RBPMS: variants seen among roughly 807,000 people sequenced by gnomAD.
The protein encoded by RBPMS is RNA binding protein, mRNA processing factor, also known as RNA-binding protein with multiple splicing.
A neutral mutation model predicts 26.8 loss-of-function variants in RBPMS; 7 were observed. The observed-to-expected ratio is 0.26, with a 90% CI of 0.15 to 0.49. RBPMS has a LOEUF of 0.49. Ranked by LOEUF, RBPMS falls within the 20% of genes least tolerant of loss-of-function variation. The pLI is 0.98. For synonymous variants in RBPMS, 96 were observed against 93.3 expected (o/e 1.03, Z -0.17); for missense variants, 186 against 250.0 (o/e 0.74, Z 1.73).
chr8:30,514,229 G>A (rs920542435), intron 5 of RBPMS, among the ~76,000 whole-genome samples: 2 of 152,154 alleles, frequency 1.3e-5, no homozygotes, highest in Non-Finnish European at 2.9e-5. Flanking sequence ...TTTAACCTCA[G>A]CTCTTCAGTG....
At chr8:30,545,059 C>T (rs1370760752) in intron 6 of RBPMS, 9 of 1,386,754 alleles carry the variant, frequency 6.5e-6, no homozygotes, top group East Asian at 6.5e-5. Context: ...CTCTCGTGTA[C>T]GGTGAGAAGA....
chr8:30,436,881 T>C (rs1267816025), intron 1 of RBPMS, among the ~76,000 whole-genome samples: 2 of 152,176 alleles, frequency 1.3e-5, no homozygotes, highest in Non-Finnish European at 2.9e-5. Context: ...TGAATAAATA[T>C]TGAACCTTTA....
intron 5 of RBPMS, among the ~76,000 whole-genome samples, chr8:30,509,524 T>C (rs944267602): frequency 6.6e-6 from 1 of 152,078 alleles, no homozygotes; most frequent in Non-Finnish European, 1.5e-5. Context: ...ACTGAGCAAA[T>C]AGGAAATCTC....
intron 1 of RBPMS, among the ~76,000 whole-genome samples, chr8:30,433,310 C>A (rs1812132374): frequency 6.6e-6 from 1 of 152,192 alleles, no homozygotes; most frequent in Non-Finnish European, 1.5e-5. Flanking sequence ...TAAACATTCA[C>A]AAGGGAGGCA....
intron 1 of RBPMS, among the ~76,000 whole-genome samples, chr8:30,432,590 T>C (rs989768674): frequency 2.2e-4 from 34 of 152,206 alleles, no homozygotes; most frequent in Admixed American, 6.5e-5. Context: ...TCCATGAAAG[T>C]AGTTATATTG....
At chr8:30,387,696 A>C (rs1255440593) in intron 1 of RBPMS, among the ~76,000 whole-genome samples, 1 of 152,228 alleles carries the variant, frequency 6.6e-6, no homozygotes, top group Non-Finnish European at 1.5e-5. Flanking sequence ...AAGGGAAAAT[A>C]GTTTATTTCA....
intron 1 of RBPMS, among the ~76,000 whole-genome samples, chr8:30,386,399 A>G (rs1807088408): frequency 6.6e-6 from 1 of 152,264 alleles, no homozygotes; most frequent in Non-Finnish European, 1.5e-5. Flanking sequence ...TGCAAAATAA[A>G]TAGGAGATTT....
intron 4 of RBPMS, among the ~76,000 whole-genome samples, chr8:30,498,374 G>C (rs1234399632): frequency 6.6e-6 from 1 of 152,122 alleles, no homozygotes; most frequent in Non-Finnish European, 1.5e-5. Flanking sequence ...TTCATAAGTG[G>C]GTTAGCAGAA....
rs1469946140 is a variant in RBPMS at position 30,453,968 on chromosome 8, T to G, written c.67-20811T>G. The stretch of plus-strand genomic sequence containing the variant: ...ATCCCCAGATCGACTGAATCAGAAT[T>G]TCTGGGAGGGATCTCCAGCAGTCTG... On this transcript the variant is annotated intron_variant, in intron 1 of 8. Coordinates refer to ENST00000397323, the MANE Select transcript of RBPMS (RefSeq NM_001008710.3). 2.6e-5 allele frequency among the ~76,000 whole-genome samples: 4 copies of G among 152,228 alleles called. No individual in the cohort carries two copies. In the East Asian group the frequency reaches 7.7e-4, roughly 29 times the overall value.
rs377270314 is a variant in RBPMS at position 30,504,370 on chromosome 8, G to A, written c.331G>A (p.Val111Ile). 37 of 1,614,070 alleles carry A rather than the reference G, an allele frequency of 2.3e-5. No individual in the cohort carries two copies. The highest frequency in any genetic ancestry group is 5.0e-5 in the Admixed American group (3 of 60,008). ...CACGAAGATGGCCAAGAACAAACTC[G>A]TAGGGACTCCAAACCCCAGTACTCC... ...ANTKMAKNKL[V>I]GTPNPSTPLP... Residue 111 changes from valine (V) to isoleucine (I), a missense_variant, in exon 5 of 9, where the codon GTA becomes ATA. By Grantham distance (29) the Val-to-Ile change is conservative. This residue lies in a region of RBPMS where 98 missense variants were observed against 113.6 expected (regional missense o/e 0.86). Transcript: ENST00000397323.
Position 30,465,701 on chromosome 8 carries a change from C to T in RBPMS, c.67-9078C>T, listed in dbSNP as rs530388131. ...ACTTGGGAGGCTGAGGTAGGAGAAT[C>T]GCTTGAACCTGGGAGAGGTGGAGGT... On this transcript the variant is annotated intron_variant, in intron 1 of 8. Coordinates refer to ENST00000397323, the MANE Select transcript of RBPMS (RefSeq NM_001008710.3). Among the ~76,000 whole-genome samples, 352 of 152,286 alleles carry T rather than the reference C, an allele frequency of 2.3e-3. 2 individuals are homozygous for T. Among genetic ancestry groups the T allele is most frequent in the Admixed American group, 3.8e-3 (58 of 15,296 alleles).
chr8:30,486,884 C>T (rs115737776), intron 4 of RBPMS, among the ~76,000 whole-genome samples: 1,647 of 152,182 alleles, frequency 0.011, 32 homozygotes, highest in African/African-American at 0.036. Context: ...TCCTTATGGC[C>T]TTTTATGAGG....
At chr8:30,497,487 AG>A (rs772866807) in intron 4 of RBPMS, among the ~76,000 whole-genome samples, 4 of 152,144 alleles carry the variant, frequency 2.6e-5, no homozygotes, top group Non-Finnish European at 5.9e-5. Context: ...GAGAGGTTGT[AG>A]TGACCCAAAA....
chr8:30,567,956 AAC>A (rs960086370), intron 8 of RBPMS, among the ~76,000 whole-genome samples: 8 of 152,192 alleles, frequency 5.3e-5, no homozygotes, highest in Non-Finnish European at 1.0e-4. Context: ...GAGGTCAGAC[AAC>A]AGTGCTTATG....
In RBPMS at chr8:30,453,115, C is replaced by T. The variant is rs777381612; in HGVS notation, c.67-21664C>T. Among the ~76,000 whole-genome samples, 7 of 152,098 alleles carry T rather than the reference C, an allele frequency of 4.6e-5. No individual in the cohort carries two copies. In the East Asian group the frequency reaches 1.2e-3, roughly 25 times the overall value. On this transcript the variant is annotated intron_variant, in intron 1 of 8. Coordinates refer to ENST00000397323, the MANE Select transcript of RBPMS (RefSeq NM_001008710.3). ...CCGCATCATTTAGAGTCCTTGTTAA[C>T]GAGGCAAATTCCAGGGGCCCAACCT...
At chr8:30,422,305 G>A (rs1810885951) in intron 1 of RBPMS, among the ~76,000 whole-genome samples, 1 of 151,864 alleles carries the variant, frequency 6.6e-6, no homozygotes, top group South Asian at 2.1e-4. Context: ...AATTTAGATA[G>A]GGTTTCGCCA....
chr8:30,411,664 GAAAAAAAAA>G, intron 1 of RBPMS, among the ~76,000 whole-genome samples: 1 of 28,232 alleles, frequency 3.5e-5, no homozygotes, highest in East Asian at 1.1e-3. Context: ...CCCTGTCTCA[GAAAAAAAAA>G]AAAAAAAAAA....
At chr8:30,385,231 G>A (rs7813046) in intron 1 of RBPMS, 73 bp downstream of exon 1, 31 of 1,109,460 alleles carry the variant, frequency 2.8e-5, no homozygotes, top group Non-Finnish European at 3.7e-5. Context: ...GCGCGGGCCC[G>A]GGGCGCGGCG....
chr8:30,548,154 C>A, intron 6 of RBPMS, among the ~76,000 whole-genome samples: 1 of 152,190 alleles, frequency 6.6e-6, no homozygotes, highest in East Asian at 1.9e-4. Flanking sequence ...CTTTCAAGGT[C>A]ATTGGTATTT....
Sources: gnomAD v4.1 joint callset for allele counts (sites outside exome capture counted in the v4.1 genomes callset) on GRCh38, gnomAD v4.1.1 for gene constraint, gnomAD v4.1.1 regional missense constraint, MANE v1.5 for transcripts, NCBI Gene and HGNC (gene_info 2026-07-23, HGNC 2026-07-21) for gene names.